Variants in DNAH17 observed in about 807,000 individuals in gnomAD.
DNAH17 encodes the protein axonemal beta dynein heavy chain 17.
DNAH17 carries 376 observed loss-of-function variants against 485.6 expected under a neutral mutation model. The observed-to-expected ratio is 0.77, with a 90% CI of 0.71 to 0.84. The LOEUF is 0.84. DNAH17 is among the 40% of genes least tolerant of loss of function. The pLI is 0.00. For missense variants in DNAH17, 6,370 were observed against 5,839.3 expected (o/e 1.09, Z -2.96); for synonymous variants, 3,031 against 2,405.9 (o/e 1.26, Z -7.60).
At chr17:78,446,729 C>T (rs978039051) in intron 69 of DNAH17, among the ~76,000 whole-genome samples, 11 of 152,166 alleles carry the variant, frequency 7.2e-5, no homozygotes, top group African/African-American at 2.7e-4. Context: ...CTGCAACTTC[C>T]ACCTCCTGGG....
rs373436542 is a variant in DNAH17 at position 78,558,092 on chromosome 17, C to T, written c.2178+16G>A. 9.2e-4 allele frequency: 1,478 copies of T among 1,609,126 alleles called. 30 individuals are homozygous for T. In the South Asian group the frequency reaches 0.016, roughly 17 times the overall value. On this transcript the variant is annotated intron_variant, in intron 14 of 80. Coordinates refer to ENST00000389840, the MANE Select transcript of DNAH17 (RefSeq NM_173628.4). ...TACAAAGCTGCATCAGGAATAGTAC[C>T]GACTCACCAACTCACCTCATTATAC...
Position 78,460,620 on chromosome 17 carries a change from G to A in DNAH17, c.9340-363C>T, listed in dbSNP as rs529413385. Reference sequence around the variant, plus strand: ...TCTGGAGCCCACCTTCCTCCCTGACGCCTCTACTCTGCCCCACAACGCTCA... The same window carrying A: ...TCTGGAGCCCACCTTCCTCCCTGACACCTCTACTCTGCCCCACAACGCTCA... On this transcript the variant is annotated intron_variant, in intron 58 of 80. Transcript: ENST00000389840. 2.4e-4 allele frequency among the ~76,000 whole-genome samples: 37 copies of A among 152,186 alleles called. 1 individual carries two copies. The East Asian group carries it at 2.9e-3, about 12-fold the overall frequency.
At chr17:78,513,442 C>T (rs2090690421) in intron 26 of DNAH17, among the ~76,000 whole-genome samples, 2 of 152,134 alleles carry the variant, frequency 1.3e-5, no homozygotes, top group East Asian at 3.8e-4. Flanking sequence ...CTGGTCTTTT[C>T]CTATTTTGTT....
At chr17:78,476,071 A>G (rs1252520615) in intron 52 of DNAH17, among the ~76,000 whole-genome samples, 1 of 152,070 alleles carries the variant, frequency 6.6e-6, no homozygotes, top group Admixed American at 6.5e-5. Flanking sequence ...GTCCAAAGAA[A>G]TGATTCCACC....
At chr17:78,495,141 C>T in intron 38 of DNAH17, 44 bp from the exon 39 acceptor site, 1 of 1,543,454 alleles carries the variant, frequency 6.5e-7, no homozygotes, top group Non-Finnish European at 8.8e-7. Context: ...CCACTCCCTC[C>T]CCAACCTACA....
intron 54 of DNAH17, among the ~76,000 whole-genome samples, chr17:78,470,347 C>A (rs1318698492): frequency 6.7e-6 from 1 of 150,128 alleles, no homozygotes; most frequent in Non-Finnish European, 1.5e-5. Context: ...GGATAACAGG[C>A]ATGAGCCACC....
chr17:78,476,522 C>T, intron 52 of DNAH17, 50 bp downstream of exon 52: 4 of 1,566,086 alleles, frequency 2.6e-6, no homozygotes, highest in East Asian at 4.6e-5. Context: ...ACACTCCACC[C>T]TCCTGGAGCC....
rs774344142 is a variant in DNAH17 at position 78,561,888 on chromosome 17, A to G, written c.1662T>C (p.Ala554=). ...RYSVMLELFD[A]ELDNAKILYD... is the part of the protein sequence containing the mutation. ...ACAAGATCTTAGCATTGTCTAGCTCAGCGTCAAACAGCTCCAGCATGACTG... is the reference window on the plus strand; with the variant it reads ...ACAAGATCTTAGCATTGTCTAGCTCGGCGTCAAACAGCTCCAGCATGACTG... The change falls in exon 12 of 81, where the codon GCT becomes GCC. Residue 554 remains alanine, a synonymous_variant. Coordinates refer to ENST00000389840, the MANE Select transcript of DNAH17 (RefSeq NM_173628.4). The G allele has an allele frequency of 1.2e-6, 2 of 1,613,894 alleles. No homozygotes were observed. Among genetic ancestry groups the G allele is most frequent in the African/African-American group, 1.3e-5 (1 of 75,054 alleles).
Position 78,561,752 on chromosome 17 carries a change from C to A in DNAH17, c.1798G>T (p.Glu600Ter). ...KWSLELQERLEVSMKHLKHVE... is the reference protein window; with the variant it reads ...KWSLELQERL The stretch of plus-strand genomic sequence containing the variant: ...TGCTTCAGGTGTTTCATGGACACCT[C>A]TAGCCTCTCCTGCAGCTCCAGGCTC... The change falls in exon 12 of 81, where the codon GAG becomes TAG. Residue 600 changes from glutamate to a stop codon, truncating the protein, a stop_gained. Coordinates refer to ENST00000389840, the MANE Select transcript of DNAH17 (RefSeq NM_173628.4). LOFTEE classifies it high-confidence loss of function. 1 of 1,611,854 alleles carries A rather than the reference C, an allele frequency of 6.2e-7. No homozygotes were observed.
chr17:78,551,073 A>G (rs947240803), intron 16 of DNAH17, among the ~76,000 whole-genome samples: 4 of 152,078 alleles, frequency 2.6e-5, no homozygotes, highest in Admixed American at 6.6e-5. Context: ...ACAAAAACAA[A>G]AACAAAATTC....
chr17:78,454,914 G>GTT (rs146636780), intron 63 of DNAH17, among the ~76,000 whole-genome samples: 1 of 149,366 alleles, frequency 6.7e-6, no homozygotes, highest in African/African-American at 2.5e-5. Flanking sequence ...ACCGGGCCAC[G>GTT]TTTTTTTTTT....
At chr17:78,443,382 T>C (rs1161459454) in intron 71 of DNAH17, among the ~76,000 whole-genome samples, 3 of 152,062 alleles carry the variant, frequency 2.0e-5, no homozygotes, top group Non-Finnish European at 4.4e-5. Context: ...CAGCTGGCAT[T>C]CTCCCTGGAC....
intron 72 of DNAH17, among the ~76,000 whole-genome samples, chr17:78,440,243 GCTTT>G (rs1260731856): frequency 9.8e-6 from 1 of 101,778 alleles, no homozygotes; most frequent in Non-Finnish European, 1.9e-5. Context: ...CCGACTTCAT[GCTTT>G]TTTTTTTTTT....
At chr17:78,469,836 C>T (rs1367635959) in intron 54 of DNAH17, among the ~76,000 whole-genome samples, 2 of 152,090 alleles carry the variant, frequency 1.3e-5, no homozygotes, top group African/African-American at 2.4e-5. Flanking sequence ...GGACAAATAC[C>T]GTGTGATTCC....
chr17:78,475,645 TGCTATCA>T lies in DNAH17; in HGVS notation c.8319+17_8319+23del. 1 of 1,612,300 alleles carries T rather than the reference TGCTATCA, an allele frequency of 6.2e-7. No homozygotes were observed. Among genetic ancestry groups the T allele is most frequent in the Non-Finnish European group, 8.5e-7 (1 of 1,179,052 alleles). ...TGACCCGGTCCAGGTCCCGTGCCCT[TGCTATCA>T]GCTCCAGCCTGCTCACCAAATTCAT... is the stretch of plus-strand genomic sequence containing the variant. On this transcript the variant is annotated intron_variant, in intron 53 of 80. Transcript: ENST00000389840.
chr17:78,558,225 A>G lies in DNAH17; in HGVS notation c.2061T>C (p.Tyr687=), dbSNP rs771832526. The G allele has an allele frequency of 4.3e-6, 7 of 1,613,720 alleles. No homozygotes were observed. The Admixed American group carries it at 1.2e-4, about 27-fold the overall frequency. The change falls in exon 14 of 81, where the codon TAT becomes TAC. Residue 687 remains tyrosine, a synonymous_variant. Transcript: ENST00000389840. The part of the protein sequence containing the change: ...ALVAVLREVK[Y]LNFQQQKEIP... Reference sequence around the variant, plus strand: ...TCTCTTTCTGTTGCTGGAAATTCAAATACTTGACTTCTCTCAGAACTGCCA... The same window carrying G: ...TCTCTTTCTGTTGCTGGAAATTCAAGTACTTGACTTCTCTCAGAACTGCCA...
chr17:78,551,710 TCTC>T, intron 15 of DNAH17, 72 bp from the exon 16 acceptor site: 10 of 1,480,058 alleles, frequency 6.8e-6, no homozygotes, highest in Non-Finnish European at 9.4e-6. Context: ...AAGCTTGTAA[TCTC>T]AGCCCTTTGG....
Position 78,479,224 on chromosome 17 carries a change from G to T in DNAH17, c.7901-108C>A. 4 of 1,168,712 alleles carry T rather than the reference G, an allele frequency of 3.4e-6. No homozygotes were observed. In the South Asian group the frequency reaches 4.3e-5, roughly 13 times the overall value. 72.4% of individuals were successfully genotyped at this position (1,168,712 alleles called of 1,614,324 possible). ...GGACTACGAAATGGTGACAACTGGAGTAAGAAATCTGCACAGCTCTTTGAA... is the reference window on the plus strand; with the variant it reads ...GGACTACGAAATGGTGACAACTGGATTAAGAAATCTGCACAGCTCTTTGAA... On this transcript the variant is annotated intron_variant, in intron 50 of 80. Coordinates refer to ENST00000389840, the MANE Select transcript of DNAH17 (RefSeq NM_173628.4).
chr17:78,437,147 G>A (rs1346939745), intron 74 of DNAH17, among the ~76,000 whole-genome samples: 1 of 152,082 alleles, frequency 6.6e-6, no homozygotes, highest in Non-Finnish European at 1.5e-5. Context: ...GTCAGAGGGG[G>A]GCTGAAGGCA....
Sources: gnomAD v4.1 joint callset for allele counts (sites outside exome capture counted in the v4.1 genomes callset) on GRCh38, gnomAD v4.1.1 for gene constraint, MANE v1.5 for transcripts, NCBI Gene and HGNC (gene_info 2026-07-23, HGNC 2026-07-21) for gene names.